Variants in GNGT1 observed in about 807,000 individuals in gnomAD.
GNGT1 encodes the protein G protein subunit gamma transducin 1.
GNGT1 carries 4 observed loss-of-function variants against 7.4 expected under a neutral mutation model. The observed-to-expected ratio is 0.54, with a 90% CI of 0.27 to 1.24. The LOEUF is 1.24. Among genes scored for constraint, GNGT1 ranks in the 50% most tolerant of loss-of-function variants. The pLI is 0.12. For missense variants in GNGT1, 95 were observed against 82.4 expected, an observed-to-expected ratio of 1.15 and a Z score of -0.59; for synonymous variants, 37 against 30.2, an observed-to-expected ratio of 1.23 and a Z score of -0.74.
intron 2 of GNGT1, among the ~76,000 whole-genome samples, chr7:93,907,931 T>G (rs1562784681): frequency 6.6e-6 from 1 of 152,180 alleles, no homozygotes; most frequent in African/African-American, 2.4e-5. Context: ...AAAGTCCTTA[T>G]TTTTACAATT....
At chr7:93,909,706 T>G in intron 2 of GNGT1, 1 of 459,554 alleles carries the variant, frequency 2.2e-6, no homozygotes, top group East Asian at 3.1e-5. Context: ...GAAACTAACC[T>G]GACAAATGCT....
intron 2 of GNGT1, among the ~76,000 whole-genome samples, chr7:93,908,098 T>C (rs1794404289): frequency 6.6e-6 from 1 of 152,182 alleles, no homozygotes; most frequent in Non-Finnish European, 1.5e-5. Flanking sequence ...TAAGTTCACC[T>C]TGGACTTTTT....
rs552036514 is a variant in GNGT1 at position 93,910,840 on chromosome 7, C to T, written c.147C>T (p.Gly49=). The change falls in exon 3 of 3, where the codon GGC becomes GGT. Residue 49 remains glycine (G), a synonymous_variant. Transcript: ENST00000248572. ...EVRDYVEERS[G]EDPLVKGIPE... ...GAGATTACGTTGAAGAACGATCTGG[C>T]GAGGATCCACTGGTAAAGGGCATCC... The T allele has an allele frequency of 3.4e-5, 55 of 1,605,806 alleles. No individual in the cohort carries two copies. The highest frequency in any genetic ancestry group is 1.7e-4 in the South Asian group (15 of 90,372).
intron 2 of GNGT1, chr7:93,909,469 T>A: frequency 1.4e-6 from 1 of 702,114 alleles, no homozygotes; most frequent in Non-Finnish European, 2.6e-6. Flanking sequence ...CTCCTTTCAT[T>A]CTCATATCCT....
intron 2 of GNGT1, chr7:93,909,620 G>A (rs1794428984): frequency 7.1e-6 from 4 of 566,732 alleles, no homozygotes; most frequent in South Asian, 4.9e-5. Flanking sequence ...CACTGAGGAA[G>A]AGGGAAAAAA....
chr7:93,907,345 A>G (rs932911875), intron 2 of GNGT1, among the ~76,000 whole-genome samples: 2 of 152,148 alleles, frequency 1.3e-5, no homozygotes, highest in Middle Eastern at 3.2e-3. Context: ...TTTGATATTG[A>G]TATTTTGATA....
chr7:93,906,991 AATC>A, intron 2 of GNGT1, 149 bp downstream of exon 2: 1 of 393,744 alleles, frequency 2.5e-6, no homozygotes, highest in Non-Finnish European at 4.2e-6. Flanking sequence ...ATTGATAATC[AATC>A]ATAACTATCT....
Position 93,906,766 on chromosome 7 carries a change from A to G in GNGT1, c.20A>G (p.Glu7Gly). Residue 7 changes from glutamate (E) to glycine (G), a missense_variant, in exon 2 of 3, where the codon GAG becomes GGG. Transcript: ENST00000248572. ...AAAAAGATGCCAGTAATCAATATTG[A>G]GGACCTGACAGAAAAGGACAAATTG... MPVINI[E>G]DLTEKDKLKM... 1.2e-6 allele frequency: 2 copies of G among 1,603,462 alleles called. No homozygotes were observed. Among genetic ancestry groups the G allele is most frequent in the Non-Finnish European group, 1.7e-6 (2 of 1,173,598 alleles).
At chr7:93,909,287 A>G (rs1276020259) in intron 2 of GNGT1, among the ~76,000 whole-genome samples, 2 of 152,208 alleles carry the variant, frequency 1.3e-5, no homozygotes, top group African/African-American at 2.4e-5. Flanking sequence ...GCAGCTATTC[A>G]TATTTTATAC....
In GNGT1 at chr7:93,906,738, G is replaced by C. The variant is rs747966528; in HGVS notation, c.-9G>C. 1.3e-6 allele frequency: 2 copies of C among 1,556,584 alleles called. No individual in the cohort carries two copies. Among genetic ancestry groups the C allele is most frequent in the Non-Finnish European group, 1.8e-6 (2 of 1,134,344 alleles). On this transcript the variant is annotated splice_region_variant and 5_prime_UTR_variant, in exon 2 of 3. Coordinates refer to ENST00000248572, the MANE Select transcript of GNGT1 (RefSeq NM_021955.5). Reference sequence around the variant, plus strand: ...CTGCTAACCTTCTACATCTTCAGCAGGCAAAAAGATGCCAGTAATCAATAT... The same window carrying C: ...CTGCTAACCTTCTACATCTTCAGCACGCAAAAAGATGCCAGTAATCAATAT...
In GNGT1 at chr7:93,911,025, A is replaced by G; in HGVS notation, c.*107A>G. On this transcript the variant is annotated 3_prime_UTR_variant, in exon 3 of 3. Coordinates refer to ENST00000248572, the MANE Select transcript of GNGT1 (RefSeq NM_021955.5). ...ACTATTACTACTAAGCATGTACGTG[A>G]ATTTTTAAATTTATAGATGTAAACT... 2.9e-6 allele frequency: 2 copies of G among 690,672 alleles called. No homozygotes were observed. The highest frequency in any genetic ancestry group is 1.8e-5 in the African/African-American group (1 of 54,302). The allele number at this position is 690,672 out of a possible 1,614,324, so 42.8% of individuals were successfully genotyped here.
chr7:93,908,817 T>C (rs1203460716), intron 2 of GNGT1, among the ~76,000 whole-genome samples: 1 of 152,046 alleles, frequency 6.6e-6, no homozygotes, highest in African/African-American at 2.4e-5. Context: ...TTGGATATAC[T>C]CTGAAACCAT....
At position 93,910,968 on chromosome 7, in the gene GNGT1, T is replaced by C. The variant is rs746317789; in HGVS notation, c.*50T>C. ...AACAAATTCTTGGAAATATCTCAAATGTTAATAACAATATGAATTTTTCTC... is the reference window on the plus strand; with the variant it reads ...AACAAATTCTTGGAAATATCTCAAACGTTAATAACAATATGAATTTTTCTC... On this transcript the variant is annotated 3_prime_UTR_variant, in exon 3 of 3. Coordinates refer to ENST00000248572, the MANE Select transcript of GNGT1 (RefSeq NM_021955.5). The C allele has an allele frequency of 2.2e-5, 29 of 1,340,326 alleles. No homozygotes were observed. The highest frequency in any genetic ancestry group is 7.4e-5 in the African/African-American group (5 of 67,168). 83.0% of individuals were successfully genotyped at this position (1,340,326 alleles called of 1,614,324 possible).
At chr7:93,908,516 G>A (rs949708351) in intron 2 of GNGT1, among the ~76,000 whole-genome samples, 1 of 151,728 alleles carries the variant, frequency 6.6e-6, no homozygotes, top group African/African-American at 2.4e-5. Context: ...TTATAAGGAC[G>A]GTAATCCTAT....
chr7:93,910,130 T>C (rs151000482), intron 2 of GNGT1: 1 of 152,208 alleles, frequency 6.6e-6, no homozygotes, highest in African/African-American at 2.4e-5. Context: ...TTTTACTAAA[T>C]CATTAAACAA....
At chr7:93,908,397 T>A (rs892004434) in intron 2 of GNGT1, among the ~76,000 whole-genome samples, 1 of 151,950 alleles carries the variant, frequency 6.6e-6, no homozygotes, top group African/African-American at 2.4e-5. Context: ...GATCAAGACA[T>A]CAGCAGATTC....
chr7:93,908,652 T>C (rs1392189074), intron 2 of GNGT1, among the ~76,000 whole-genome samples: 2 of 151,138 alleles, frequency 1.3e-5, no homozygotes, highest in Admixed American at 6.6e-5. Flanking sequence ...ATATTATTTC[T>C]CTATAAAATA....
In GNGT1 at chr7:93,911,036, T is replaced by G. The variant is rs2798; in HGVS notation, c.*118T>G. The G allele has an allele frequency of 0.65, 391,484 of 598,326 alleles. 129,700 individuals carry two copies. Among genetic ancestry groups the G allele is most frequent in the East Asian group, 0.8 (24,194 of 30,394 alleles). 37.1% of individuals were successfully genotyped at this position (598,326 alleles called of 1,614,324 possible). A position where few individuals can be genotyped will look rare whatever the true frequency, so the allele number is the denominator to read the frequency against. ...TAAGCATGTACGTGAATTTTTAAATTTATAGATGTAAACTTTTAATAAAAA... is the reference window on the plus strand; with the variant it reads ...TAAGCATGTACGTGAATTTTTAAATGTATAGATGTAAACTTTTAATAAAAA... On this transcript the variant is annotated 3_prime_UTR_variant, in exon 3 of 3. Coordinates refer to ENST00000248572, the MANE Select transcript of GNGT1 (RefSeq NM_021955.5).
intron 2 of GNGT1, among the ~76,000 whole-genome samples, chr7:93,907,781 T>C (rs1794399445): frequency 6.6e-6 from 1 of 152,124 alleles, no homozygotes; most frequent in Admixed American, 6.5e-5. Flanking sequence ...CTGCTCCCAG[T>C]CAAAACTGGG....
Sources: allele counts gnomAD v4.1 joint callset (sites outside exome capture counted in the v4.1 genomes callset), GRCh38; gene constraint gnomAD v4.1.1; transcripts MANE v1.5; gene names NCBI Gene and HGNC (gene_info 2026-07-23, HGNC 2026-07-21).